The following USP32 variants were observed in gnomAD, a reference collection of about 807,000 sequenced individuals.
USP32 encodes the protein ubiquitin specific peptidase 32.
A neutral mutation model predicts 204.8 loss-of-function variants in USP32; 59 were observed. That is an observed-to-expected ratio of 0.29 (90% CI 0.23 to 0.36). The LOEUF (loss-of-function observed/expected upper bound fraction) is 0.36, where lower values mean the gene tolerates loss of function less well. Among genes scored for constraint, USP32 ranks in the 10% least tolerant of loss-of-function variants. The pLI, the probability that USP32 is intolerant of heterozygous loss-of-function variation, is 1.00. For missense variants in USP32, 1,160 were observed against 1,946.4 expected (o/e 0.60, Z 7.60); for synonymous variants, 517 against 678.4 (o/e 0.76, Z 3.70).
intron 2 of USP32, among the ~76,000 whole-genome samples, chr17:60,336,730 AG>A (rs2088531986): frequency 6.6e-6 from 1 of 151,378 alleles, no homozygotes. Context: ...AAAAAAAAAA[AG>A]AAAAAAAAGA....
chr17:60,381,170 A>G (rs1257101030), intron 1 of USP32, among the ~76,000 whole-genome samples: 2 of 152,296 alleles, frequency 1.3e-5, no homozygotes, highest in South Asian at 2.1e-4. Context: ...CAGGCACTGT[A>G]GCCCACACCT....
chr17:60,286,868 C>T (rs2087126535), intron 5 of USP32, among the ~76,000 whole-genome samples: 1 of 152,188 alleles, frequency 6.6e-6, no homozygotes, highest in Admixed American at 6.5e-5. Context: ...TCTTCCCAGC[C>T]TGGGTGTGGT....
rs948280108 is a variant in USP32, at chr17:60,178,046, A to T, written c.*1209T>A. Among the ~76,000 whole-genome samples the T allele has an allele frequency of 6.6e-6, 1 of 152,226 alleles. No homozygotes were observed. Among genetic ancestry groups the T allele is most frequent in the Non-Finnish European group, 1.5e-5 (1 of 68,038 alleles). On this transcript the variant is annotated 3_prime_UTR_variant, in exon 34 of 34. Transcript: ENST00000300896. ...AGAGAAAAAAATGAAGTAAGCAAAG[A>T]AACATAACTTTCGATGACTACTGTA...
At chr17:60,344,752 G>T (rs1461971692) in intron 2 of USP32, among the ~76,000 whole-genome samples, 2 of 152,186 alleles carry the variant, frequency 1.3e-5, no homozygotes, top group Non-Finnish European at 1.5e-5. Context: ...AACATACCCA[G>T]CCAATAAATT....
At chr17:60,223,299 T>C in intron 14 of USP32, 112 bp downstream of exon 14, 1 of 833,932 alleles carries the variant, frequency 1.2e-6, no homozygotes. Context: ...CCATCTATAA[T>C]ACAGTAATTA....
chr17:60,406,106 G>A (rs183794883), intron 1 of USP32, among the ~76,000 whole-genome samples: 98 of 144,442 alleles, frequency 6.8e-4, no homozygotes, highest in African/African-American at 2.1e-3. Context: ...GCAGAGAGCC[G>A]TGATCATACC....
intron 1 of USP32, among the ~76,000 whole-genome samples, chr17:60,408,325 T>C (rs2089994411): frequency 6.6e-6 from 1 of 152,112 alleles, no homozygotes; most frequent in African/African-American, 2.4e-5. Context: ...CAGATGGAAC[T>C]TCTAGTGGTG....
Position 60,392,010 on chromosome 17 carries a change from G to A in USP32, c.-71C>T. The A allele has an allele frequency of 6.6e-7, 1 of 1,508,700 alleles. No homozygotes were observed. The allele number at this position is 1,508,700 out of a possible 1,614,324, so 93.5% of individuals were successfully genotyped here. ...CCACCCCCCTCCCGCCTTCTCCTCGGCGTCCCTGGGTGACGGTGACGGTGT... is the reference window on the plus strand; with the variant it reads ...CCACCCCCCTCCCGCCTTCTCCTCGACGTCCCTGGGTGACGGTGACGGTGT... On this transcript the variant is annotated 5_prime_UTR_variant, in exon 1 of 34. Coordinates refer to ENST00000300896, the MANE Select transcript of USP32 (RefSeq NM_032582.4).
chr17:60,419,062 C>T (rs1220594124), intron 1 of USP32, among the ~76,000 whole-genome samples: 1 of 152,134 alleles, frequency 6.6e-6, no homozygotes, highest in Non-Finnish European at 1.5e-5. Context: ...GACACATGCA[C>T]TCGTATATTT....
intron 11 of USP32, among the ~76,000 whole-genome samples, chr17:60,237,258 A>G (rs904661194): frequency 6.6e-6 from 1 of 150,938 alleles, no homozygotes; most frequent in African/African-American, 2.4e-5. Context: ...CTCCTGCCTC[A>G]GCCTCACAAG....
intron 1 of USP32, among the ~76,000 whole-genome samples, chr17:60,381,776 T>C (rs1165304089): frequency 1.3e-5 from 2 of 152,192 alleles, no homozygotes; most frequent in Non-Finnish European, 2.9e-5. Flanking sequence ...TCTTACTATA[T>C]AGCTTGACTG....
chr17:60,349,603 ATATATATATATATATATATAT>A (rs1423904687), intron 1 of USP32, among the ~76,000 whole-genome samples: 1,629 of 63,876 alleles, frequency 0.026, 60 homozygotes, highest in African/African-American at 0.14. Flanking sequence ...AAAAATATAT[ATATATATATATATATATATAT>A]TATATATATA....
chr17:60,193,675 A>T (rs1454047041), intron 27 of USP32, among the ~76,000 whole-genome samples: 1 of 152,196 alleles, frequency 6.6e-6, no homozygotes, highest in Non-Finnish European at 1.5e-5. Flanking sequence ...GGAATATAAC[A>T]TAAGAGTGGC....
intron 27 of USP32, among the ~76,000 whole-genome samples, chr17:60,196,482 G>A (rs1160995146): frequency 1.3e-5 from 2 of 151,964 alleles, no homozygotes; most frequent in African/African-American, 2.4e-5. Flanking sequence ...TTTTCCTTTA[G>A]GATTTATTTA....
At chr17:60,373,003 T>TA (rs2089470013) in intron 1 of USP32, among the ~76,000 whole-genome samples, 1 of 151,086 alleles carries the variant, frequency 6.6e-6, no homozygotes, top group Non-Finnish European at 1.5e-5. Flanking sequence ...CTACAAAACA[T>TA]AAAAAACAAA....
At chr17:60,329,870 A>G (rs941199756) in intron 2 of USP32, among the ~76,000 whole-genome samples, 4 of 152,182 alleles carry the variant, frequency 2.6e-5, no homozygotes, top group Non-Finnish European at 4.4e-5. Flanking sequence ...GCCTCTGAAC[A>G]TACCTTGTCT....
chr17:60,255,950 A>G (rs2086290962), intron 9 of USP32, among the ~76,000 whole-genome samples: 1 of 152,206 alleles, frequency 6.6e-6, no homozygotes, highest in Non-Finnish European at 1.5e-5. Context: ...ATATATACAC[A>G]TATTGTTCTC....
intron 11 of USP32, among the ~76,000 whole-genome samples, chr17:60,241,114 C>T (rs975988318): frequency 1.3e-5 from 2 of 152,200 alleles, no homozygotes; most frequent in Non-Finnish European, 2.9e-5. Context: ...TCTCCTGCCT[C>T]AGCCTCCCAA....
intron 2 of USP32, among the ~76,000 whole-genome samples, chr17:60,337,957 C>T (rs1419092188): frequency 1.3e-5 from 2 of 152,204 alleles, no homozygotes; most frequent in Middle Eastern, 3.4e-3. Context: ...AAATGTTGTG[C>T]TATGTACTAC....
Sources: gnomAD v4.1 joint callset for allele counts (sites outside exome capture counted in the v4.1 genomes callset) on GRCh38, gnomAD v4.1.1 for gene constraint, MANE v1.5 for transcripts, NCBI Gene and HGNC (gene_info 2026-07-23, HGNC 2026-07-21) for gene names.